The following SLC13A3 variants were observed in gnomAD, a reference collection of about 807,000 sequenced individuals.
SLC13A3 encodes Na(+)/dicarboxylate cotransporter 3.
SLC13A3 carries 40 observed loss-of-function variants against 59.0 expected under a neutral mutation model. The observed-to-expected ratio is 0.68, with a 90% CI of 0.53 to 0.88. The LOEUF is 0.88. Among genes scored for constraint, SLC13A3 ranks in the 40% least tolerant of loss-of-function variants. The probability of loss-of-function intolerance (pLI) is 0.00; values close to 1 mark genes in which losing one functional copy is unlikely to be tolerated. For synonymous variants in SLC13A3, 317 were observed against 330.3 expected (o/e 0.96, Z 0.44); for missense variants, 699 against 783.2 (o/e 0.89, Z 1.28).
At position 46,642,057 on chromosome 20, in the gene SLC13A3, C is replaced by T. The variant is rs551246527; in HGVS notation, c.111+9254G>A. ...ATATTGCCCACAGTAAAGGCTCATG[C>T]CCACGTTTCCTCTTATTCCCTCTGC... is the stretch of plus-strand genomic sequence containing the variant. On this transcript the variant is annotated intron_variant, in intron 1 of 12. Transcript: ENST00000279027. 2.2e-3 allele frequency among the ~76,000 whole-genome samples: 333 copies of T among 152,326 alleles called. 2 individuals are homozygous for T. Among genetic ancestry groups the T allele is most frequent in the Non-Finnish European group, 2.9e-3 (198 of 68,026 alleles).
chr20:46,591,668 A>G (rs1366617204), intron 6 of SLC13A3, among the ~76,000 whole-genome samples: 1 of 152,120 alleles, frequency 6.6e-6, no homozygotes, highest in African/African-American at 2.4e-5. Flanking sequence ...ATAAAGACAT[A>G]TTTCCCATAA....
At chr20:46,642,007 C>A (rs2062849749) in intron 1 of SLC13A3, among the ~76,000 whole-genome samples, 3 of 152,166 alleles carry the variant, frequency 2.0e-5, no homozygotes, top group Non-Finnish European at 4.4e-5. Flanking sequence ...CAGTCCTAAA[C>A]CTGCACACCC....
chr20:46,644,134 G>A (rs2062871645), intron 1 of SLC13A3, among the ~76,000 whole-genome samples: 1 of 152,202 alleles, frequency 6.6e-6, no homozygotes, highest in African/African-American at 2.4e-5. Flanking sequence ...TCTCCGCCCT[G>A]CCCCTCACTG....
intron 4 of SLC13A3, 102 bp from the exon 5 acceptor site, chr20:46,596,444 G>A (rs2062314062): frequency 2.9e-6 from 3 of 1,048,004 alleles, no homozygotes; most frequent in Middle Eastern, 5.3e-4. Context: ...AAGGTAATTT[G>A]GCACAGGTAT....
At chr20:46,679,941 G>T (rs942155511) in intron 1 of SLC13A3, among the ~76,000 whole-genome samples, 12 of 152,004 alleles carry the variant, frequency 7.9e-5, no homozygotes, top group African/African-American at 2.9e-4. Context: ...CTTTTGGTAG[G>T]CAATAATGCC....
intron 1 of SLC13A3, among the ~76,000 whole-genome samples, chr20:46,664,601 C>T (rs188652919): frequency 1.3e-5 from 2 of 152,160 alleles, no homozygotes; most frequent in East Asian, 1.9e-4. Context: ...ATGGCAGGTG[C>T]AAATAATAAA....
At chr20:46,674,382 C>G (rs1177124357), upstream of SLC13A3, among the ~76,000 whole-genome samples, 1 of 152,172 alleles carries the variant, frequency 6.6e-6, no homozygotes, top group Non-Finnish European at 1.5e-5. Context: ...CAGGCCTGGG[C>G]CTTCCTGGCC....
chr20:46,592,433 G>A lies in SLC13A3; in HGVS notation c.891C>T (p.Ile297=), dbSNP rs533471950. ...LLFLLAGWLW[I]SFLYGGLSFR... The stretch of plus-strand genomic sequence containing the variant: ...AGCTCAGTCCCCCGTACAGGAAGGA[G>A]ATCCAGAGCCAGCCTGCCAACAGGA... The change falls in exon 6 of 13, where the codon ATC becomes ATT. Residue 297 remains isoleucine (I), a synonymous_variant. Coordinates refer to ENST00000279027, the MANE Select transcript of SLC13A3 (RefSeq NM_022829.6). 162 of 1,613,988 alleles carry A rather than the reference G, an allele frequency of 1.0e-4. 3 individuals carry two copies. In the South Asian group the frequency reaches 1.6e-3, roughly 16 times the overall value.
At chr20:46,683,684 G>C (rs1046056861) in intron 1 of SLC13A3, among the ~76,000 whole-genome samples, 1 of 152,104 alleles carries the variant, frequency 6.6e-6, no homozygotes, top group Non-Finnish European at 1.5e-5. Context: ...TTAAATTTCT[G>C]CTCTTCACCT....
chr20:46,605,805 T>A (rs2062432733), intron 3 of SLC13A3, among the ~76,000 whole-genome samples: 1 of 152,130 alleles, frequency 6.6e-6, no homozygotes, highest in Non-Finnish European at 1.5e-5. Context: ...GACTAAGATG[T>A]TCTTAAAATT....
chr20:46,587,650 C>A (rs1191413375), intron 8 of SLC13A3, among the ~76,000 whole-genome samples: 1 of 152,206 alleles, frequency 6.6e-6, no homozygotes, highest in Admixed American at 6.5e-5. Context: ...TCAGTCTTTC[C>A]TTCATAGCAC....
chr20:46,609,858 G>A (rs909041597), intron 3 of SLC13A3, among the ~76,000 whole-genome samples: 1 of 152,228 alleles, frequency 6.6e-6, no homozygotes, highest in African/African-American at 2.4e-5. Context: ...GTTCCCTCCT[G>A]GACCTATAGG....
intron 7 of SLC13A3, among the ~76,000 whole-genome samples, chr20:46,588,746 C>T (rs2062221490): frequency 6.6e-6 from 1 of 152,076 alleles, no homozygotes; most frequent in Admixed American, 6.5e-5. Context: ...GGGTTAGTGC[C>T]ATGACCAAAG....
chr20:46,626,097 T>TTCTCTCTCTCTCTCTCTCTCTCTCTC (rs74176872), intron 1 of SLC13A3, among the ~76,000 whole-genome samples: 11 of 145,794 alleles, frequency 7.5e-5, no homozygotes, highest in African/African-American at 2.9e-4. Flanking sequence ...CAAAGCTGTA[T>TTCTCTCTCTCTCTCTCTCTCTCTCTC]TCTCTCTCTC....
In SLC13A3 at chr20:46,666,424, T is replaced by C. The variant is rs549437270; in HGVS notation, c.-31+3619A>G. ...TTATTTTATTTATTCTTATAACTAC[T>C]TTTGACTGAAAGAGAGTGATTTTTT... On this transcript the variant is annotated intron_variant, in intron 1 of 12. Coordinates refer to the SLC13A3 transcript ENST00000290317. Among the ~76,000 whole-genome samples, 9 of 152,330 alleles carry C rather than the reference T, an allele frequency of 5.9e-5. No homozygotes were observed. The South Asian group carries it at 8.3e-4, about 14-fold the overall frequency.
intron 1 of SLC13A3, among the ~76,000 whole-genome samples, chr20:46,665,197 T>C (rs917503457): frequency 6.6e-6 from 1 of 151,590 alleles, no homozygotes; most frequent in Non-Finnish European, 1.5e-5. Context: ...GCCCAGGATG[T>C]CAAGGCTTCA....
intron 1 of SLC13A3, among the ~76,000 whole-genome samples, chr20:46,621,771 G>C (rs760150317): frequency 6.6e-6 from 1 of 152,118 alleles, no homozygotes; most frequent in Admixed American, 6.5e-5. Flanking sequence ...CCCAAGAAAT[G>C]GTTCTAAAAT....
At chr20:46,578,996 G>C (rs567947754) in intron 9 of SLC13A3, among the ~76,000 whole-genome samples, 9 of 152,246 alleles carry the variant, frequency 5.9e-5, no homozygotes, top group African/African-American at 2.2e-4. Flanking sequence ...GACCACAAAG[G>C]GTGAGAAATG....
intron 7 of SLC13A3, among the ~76,000 whole-genome samples, chr20:46,588,633 T>C (rs1264457482): frequency 6.6e-6 from 1 of 151,516 alleles, no homozygotes; most frequent in Non-Finnish European, 1.5e-5. Context: ...GGGACAGACC[T>C]GGAGAGAGGG....
Sources: allele counts gnomAD v4.1 joint callset (sites outside exome capture counted in the v4.1 genomes callset), GRCh38; gene constraint gnomAD v4.1.1; transcripts MANE v1.5; gene names NCBI Gene and HGNC (gene_info 2026-07-23, HGNC 2026-07-21).